ADAM7: variants seen among roughly 807,000 people sequenced by gnomAD.
ADAM7 encodes ADAM metallopeptidase domain 7, also known as disintegrin and metalloproteinase domain-containing protein 7.
In ADAM7, 97 loss-of-function variants were observed where a neutral mutation model predicts 102.9. The observed-to-expected ratio is 0.94, with a 90% CI of 0.80 to 1.12. The LOEUF (loss-of-function observed/expected upper bound fraction) is 1.12. ADAM7 is among the 50% of genes most tolerant of loss of function. ADAM7 has a pLI of 0.00. For synonymous variants in ADAM7, 334 were observed against 304.4 expected, an observed-to-expected ratio of 1.10 and a Z score of -1.01; for missense variants, 991 against 908.7, an observed-to-expected ratio of 1.09 and a Z score of -1.16.
intron 9 of ADAM7, among the ~76,000 whole-genome samples, chr8:24,482,685 G>A (rs559634824): frequency 6.6e-6 from 1 of 152,218 alleles, no homozygotes; most frequent in East Asian, 1.9e-4. Flanking sequence ...GGAGGTTAAG[G>A]ATAACATGAG....
chr8:24,479,668 T>C (rs73547072), intron 8 of ADAM7, among the ~76,000 whole-genome samples: 2,166 of 152,210 alleles, frequency 0.014, 47 homozygotes, highest in African/African-American at 0.048. Flanking sequence ...TGGATCTCCA[T>C]AGGGCTCTGC....
intron 11 of ADAM7, among the ~76,000 whole-genome samples, chr8:24,487,830 A>G (rs1304092815): frequency 1.3e-5 from 2 of 152,146 alleles, no homozygotes; most frequent in African/African-American, 2.4e-5. Flanking sequence ...TGATACCGTG[A>G]GAGAAATCCC....
intron 4 of ADAM7, 66 bp downstream of exon 4, chr8:24,464,026 C>T (rs1215741977): frequency 5.3e-5 from 74 of 1,397,298 alleles, no homozygotes; most frequent in Non-Finnish European, 7.1e-5. Flanking sequence ...ATTTTGAAAC[C>T]CTGTTCTAGC....
intron 8 of ADAM7, among the ~76,000 whole-genome samples, chr8:24,478,190 T>C (rs1223847977): frequency 6.6e-6 from 1 of 152,146 alleles, no homozygotes; most frequent in Admixed American, 6.6e-5. Context: ...CTTGTTGTTG[T>C]TGGCAGAATT....
intron 16 of ADAM7, among the ~76,000 whole-genome samples, chr8:24,497,700 T>C (rs898967955): frequency 4.6e-5 from 7 of 152,136 alleles, no homozygotes; most frequent in Admixed American, 1.3e-4. Flanking sequence ...GAAGAATGTA[T>C]GAAAAAATTC....
At chr8:24,506,081 T>G in intron 20 of ADAM7, 2 of 1,547,624 alleles carry the variant, frequency 1.3e-6, no homozygotes, top group Non-Finnish European at 1.7e-6. Flanking sequence ...ATAGTATCTC[T>G]TCTTACTAGC....
chr8:24,508,505 C>T (rs769138245), intron 21 of ADAM7, 41 bp from the exon 22 acceptor site: 4 of 1,592,484 alleles, frequency 2.5e-6, no homozygotes, highest in Admixed American at 3.3e-5. Flanking sequence ...TCACAGATTT[C>T]ATAGGAAACA....
chr8:24,446,174 T>C (rs139797572), intron 2 of ADAM7, among the ~76,000 whole-genome samples: 1 of 152,200 alleles, frequency 6.6e-6, no homozygotes, highest in East Asian at 1.9e-4. Flanking sequence ...TCTTAAATTA[T>C]AGAGAATTTT....
At chr8:24,449,562 T>C (rs1436894465) in intron 3 of ADAM7, among the ~76,000 whole-genome samples, 1 of 152,244 alleles carries the variant, frequency 6.6e-6, no homozygotes, top group Non-Finnish European at 1.5e-5. Flanking sequence ...CTTTGTCAGA[T>C]ATGCAGGTTG....
At position 24,466,917 on chromosome 8, in the gene ADAM7, T is replaced by A. The variant is rs762159774; in HGVS notation, c.508T>A (p.Cys170Ser). 1 of 1,614,062 alleles carries A rather than the reference T, an allele frequency of 6.2e-7. No homozygotes were observed. The highest frequency in any genetic ancestry group is 1.1e-5 in the South Asian group (1 of 91,078). ...LRVPYGANYS[C>S]TELNFTRKTV... ...GGTGCCGTATGGTGCCAATTATTCC[T>A]GTACAGAGCTTAATTTTACCAGAAA... is the stretch of plus-strand genomic sequence containing the variant. The change falls in exon 6 of 22, where the codon TGT becomes AGT. Residue 170 changes from cysteine to serine, a missense_variant. Cys to Ser is a moderately radical substitution (Grantham distance 112, BLOSUM62 -1). Coordinates refer to ENST00000175238, the MANE Select transcript of ADAM7 (RefSeq NM_003817.4).
Position 24,466,930 on chromosome 8 carries a change from A to C in ADAM7, c.521A>C (p.Asn174Thr). Reference protein sequence around the residue: ...YGANYSCTELNFTRKTVPGDN... With the variant: ...YGANYSCTELTFTRKTVPGDN... ...GCCAATTATTCCTGTACAGAGCTTA[A>C]TTTTACCAGAAAAACTGTTCCAGGG... The change falls in exon 6 of 22, where the codon AAT becomes ACT. Residue 174 changes from asparagine (N) to threonine (T), a missense_variant. By Grantham distance (65) the Asn-to-Thr change is moderately conservative. Transcript: ENST00000175238. 1 of 1,614,042 alleles carries C rather than the reference A, an allele frequency of 6.2e-7. No homozygotes were observed. The highest frequency in any genetic ancestry group is 8.5e-7 in the Non-Finnish European group (1 of 1,179,968).
rs547803226 is a variant in ADAM7, at chr8:24,504,466, G to A, written c.2208+2890G>A. Among the ~76,000 whole-genome samples, 192 of 151,798 alleles carry A rather than the reference G, an allele frequency of 1.3e-3. 1 individual carries two copies. Among genetic ancestry groups the A allele is most frequent in the African/African-American group, 4.4e-3 (184 of 41,382 alleles). ...TTTAAAAAAAAAAATAGCTGATGAA[G>A]AAAGCATCATTTTTGAAAAGATTAT... is the stretch of plus-strand genomic sequence containing the variant. On this transcript the variant is annotated intron_variant, in intron 20 of 21. Transcript: ENST00000175238.
chr8:24,460,704 T>C (rs536587080), intron 3 of ADAM7, among the ~76,000 whole-genome samples: 55 of 151,416 alleles, frequency 3.6e-4, no homozygotes, highest in African/African-American at 1.3e-3. Flanking sequence ...AAAGTTGCCA[T>C]ATATATATAC....
chr8:24,493,976 G>A (rs1470358370), intron 16 of ADAM7, among the ~76,000 whole-genome samples: 3 of 152,120 alleles, frequency 2.0e-5, no homozygotes, highest in African/African-American at 7.2e-5. Flanking sequence ...GTTTTTTATG[G>A]CAAGATGACA....
chr8:24,495,419 C>A (rs991034351), intron 16 of ADAM7, among the ~76,000 whole-genome samples: 3 of 151,834 alleles, frequency 2.0e-5, no homozygotes, highest in African/African-American at 4.8e-5. Context: ...AAGGTCTCAG[C>A]AAAATAACAA....
chr8:24,442,106 G>A (rs964549715), intron 1 of ADAM7, among the ~76,000 whole-genome samples: 3 of 152,238 alleles, frequency 2.0e-5, no homozygotes, highest in Middle Eastern at 3.4e-3. Context: ...CCGGGGAGGC[G>A]GAGGTTGCAG....
intron 2 of ADAM7, 73 bp downstream of exon 2, chr8:24,442,649 C>A: frequency 1.7e-6 from 2 of 1,203,204 alleles, no homozygotes; most frequent in Non-Finnish European, 2.5e-6. Context: ...TAGCTCCAAC[C>A]AGAAGCAAAT....
chr8:24,457,548 T>G (rs1819081765), intron 3 of ADAM7, among the ~76,000 whole-genome samples: 1 of 151,766 alleles, frequency 6.6e-6, no homozygotes, highest in Non-Finnish European at 1.5e-5. Flanking sequence ...AGTGATAGGA[T>G]TACAGGCATG....
intron 8 of ADAM7, among the ~76,000 whole-genome samples, chr8:24,478,812 A>G (rs1237072969): frequency 6.6e-6 from 1 of 152,114 alleles, no homozygotes; most frequent in African/African-American, 2.4e-5. Context: ...GTTTTATTGG[A>G]TAGTAGACAG....
Sources: gnomAD v4.1 joint callset for allele counts (sites outside exome capture counted in the v4.1 genomes callset) on GRCh38, gnomAD v4.1.1 for gene constraint, MANE v1.5 for transcripts, NCBI Gene and HGNC (gene_info 2026-07-23, HGNC 2026-07-21) for gene names.